The following CCNY variants were observed in gnomAD, a reference collection of about 807,000 sequenced individuals.
CCNY encodes the protein cyclin Y.
A neutral mutation model predicts 42.8 loss-of-function variants in CCNY; 19 were observed. That is an observed-to-expected ratio of 0.44 (90% CI 0.31 to 0.65). The LOEUF is 0.65. CCNY is among the 30% of genes least tolerant of loss of function. The pLI is 0.07. For missense variants in CCNY, 370 were observed against 437.3 expected (o/e 0.85, Z 1.37); for synonymous variants, 165 against 162.7 (o/e 1.01, Z -0.11).
intron 1 of CCNY, among the ~76,000 whole-genome samples, chr10:35,478,996 C>T (rs1302886753): frequency 3.3e-5 from 5 of 152,146 alleles, no homozygotes; most frequent in African/African-American, 1.2e-4. Context: ...CCAAAAAACA[C>T]GTGAAAAAAT....
intron 1 of CCNY, among the ~76,000 whole-genome samples, chr10:35,447,840 C>T (rs985019651): frequency 7.9e-5 from 12 of 152,092 alleles, no homozygotes; most frequent in African/African-American, 2.9e-4. Context: ...GGCTGTAAAC[C>T]ACAGATAGTT....
In CCNY at chr10:35,366,830, A is replaced by T. The variant is rs370194085; in HGVS notation, c.154+29623A>T. Reference sequence around the variant, plus strand: ...CGTAGCTAGTGTGACTGAAGAACTGAATTTTAAATCTTACTTAATTTTAAA... The same window carrying T: ...CGTAGCTAGTGTGACTGAAGAACTGTATTTTAAATCTTACTTAATTTTAAA... On this transcript the variant is annotated intron_variant, in intron 1 of 9. Transcript: ENST00000374704. 3.3e-4 allele frequency among the ~76,000 whole-genome samples: 51 copies of T among 152,284 alleles called. 1 individual carries two copies. Among genetic ancestry groups the T allele is most frequent in the African/African-American group, 1.2e-3 (51 of 41,560 alleles).
intron 2 of CCNY, among the ~76,000 whole-genome samples, chr10:35,489,219 C>G (rs1254489333): frequency 6.6e-6 from 1 of 152,202 alleles, no homozygotes; most frequent in African/African-American, 2.4e-5. Flanking sequence ...AAAAACATTT[C>G]TTGGTGAGAT....
At chr10:35,557,618 T>C (rs1841385666) in intron 8 of CCNY, among the ~76,000 whole-genome samples, 1 of 152,110 alleles carries the variant, frequency 6.6e-6, no homozygotes, top group Non-Finnish European at 1.5e-5. Flanking sequence ...TAGCTGGTAC[T>C]GGTGGCGCTC....
rs1442920274 is a variant in CCNY, at chr10:35,491,909, C to T, written c.229+8431C>T. 3.3e-5 allele frequency among the ~76,000 whole-genome samples: 5 copies of T among 152,246 alleles called. No homozygotes were observed. The East Asian group carries it at 9.7e-4, about 29-fold the overall frequency. On this transcript the variant is annotated intron_variant, in intron 2 of 9. Transcript: ENST00000374704. ...GATTACAGGTGTGAGCGACCACGCC[C>T]GGCCTCATAACCTAGTTTTTAAGAA...
intron 1 of CCNY, among the ~76,000 whole-genome samples, chr10:35,391,992 T>A (rs1018830820): frequency 6.6e-6 from 1 of 152,242 alleles, no homozygotes; most frequent in African/African-American, 2.4e-5. Context: ...TTTATTCCTA[T>A]AACATTTATT....
At chr10:35,283,530 A>G (rs1365096727) in intron 3 of CCNY, among the ~76,000 whole-genome samples, 1 of 152,018 alleles carries the variant, frequency 6.6e-6, no homozygotes, top group Non-Finnish European at 1.5e-5. Flanking sequence ...CAGCCTCCCA[A>G]GTAGGTGGGA....
chr10:35,265,716 A>G (rs1274482831), intron 3 of CCNY, among the ~76,000 whole-genome samples: 1 of 152,234 alleles, frequency 6.6e-6, no homozygotes, highest in African/African-American at 2.4e-5. Flanking sequence ...TTATATGTGA[A>G]GTTTCCTTAG....
chr10:35,414,552 C>T (rs1053576103), intron 1 of CCNY, among the ~76,000 whole-genome samples: 5 of 152,232 alleles, frequency 3.3e-5, no homozygotes, highest in African/African-American at 1.2e-4. Flanking sequence ...GTCACAGGCC[C>T]CTCTCGCACT....
At chr10:35,253,338 C>T (rs1190238057) in intron 3 of CCNY, among the ~76,000 whole-genome samples, 3 of 151,794 alleles carry the variant, frequency 2.0e-5, no homozygotes, top group African/African-American at 7.3e-5. Flanking sequence ...TAGCATCCAG[C>T]TCCTGGGCTC....
chr10:35,389,439 CTTTTTTTTTTT>C (rs1365155125), intron 1 of CCNY, among the ~76,000 whole-genome samples: 2 of 120,568 alleles, frequency 1.7e-5, no homozygotes, highest in Non-Finnish European at 3.5e-5. Context: ...GAAAACTGTG[CTTTTTTTTTTT>C]TTTTTTTTGA....
intron 3 of CCNY, among the ~76,000 whole-genome samples, chr10:35,302,424 T>C (rs1387402815): frequency 6.7e-6 from 1 of 150,162 alleles, no homozygotes; most frequent in African/African-American, 2.5e-5. Flanking sequence ...GATTCTCCTG[T>C]CTCAGCCTCC....
At chr10:35,256,913 C>T (rs2095715970) in intron 3 of CCNY, among the ~76,000 whole-genome samples, 1 of 151,944 alleles carries the variant, frequency 6.6e-6, no homozygotes, top group South Asian at 2.1e-4. Context: ...GGAATTACAA[C>T]TCAAAGTTAT....
intron 1 of CCNY, among the ~76,000 whole-genome samples, chr10:35,418,668 T>G (rs1432665955): frequency 6.6e-6 from 1 of 151,858 alleles, no homozygotes; most frequent in Non-Finnish European, 1.5e-5. Context: ...TGGGGGACAG[T>G]GGAGGTAGAG....
intron 1 of CCNY, among the ~76,000 whole-genome samples, chr10:35,468,275 A>G (rs954824373): frequency 6.6e-6 from 1 of 152,204 alleles, no homozygotes; most frequent in African/African-American, 2.4e-5. Flanking sequence ...CTCTGCCCTC[A>G]TGACCCAATC....
intron 1 of CCNY, among the ~76,000 whole-genome samples, chr10:35,463,353 C>T (rs934556805): frequency 2.0e-5 from 3 of 152,194 alleles, no homozygotes; most frequent in South Asian, 2.1e-4. Context: ...ACAGAGTTAA[C>T]GTTCAGAAAG....
At chr10:35,421,571 C>T (rs781220783) in intron 1 of CCNY, among the ~76,000 whole-genome samples, 5 of 152,170 alleles carry the variant, frequency 3.3e-5, no homozygotes, top group Non-Finnish European at 5.9e-5. Context: ...TATTTAGAAG[C>T]GTCGGGTGGC....
intron 1 of CCNY, among the ~76,000 whole-genome samples, chr10:35,396,423 G>A (rs1384222028): frequency 6.6e-6 from 1 of 152,216 alleles, no homozygotes; most frequent in East Asian, 1.9e-4. Flanking sequence ...GGGGTGGGGG[G>A]CAGCCAGCCT....
chr10:35,376,336 C>CATGTTTATACAAAATGTATACACAA (rs1837051660), intron 1 of CCNY, among the ~76,000 whole-genome samples: 1 of 152,208 alleles, frequency 6.6e-6, no homozygotes, highest in Non-Finnish European at 1.5e-5. Context: ...TAACTGAAAA[C>CATGTTTATACAAAATGTATACACAA]ATGTTTATAC....
Sources: allele counts gnomAD v4.1 joint callset (sites outside exome capture counted in the v4.1 genomes callset), GRCh38; gene constraint gnomAD v4.1.1; transcripts MANE v1.5; gene names NCBI Gene and HGNC (gene_info 2026-07-23, HGNC 2026-07-21).